RPL28: variants seen among roughly 807,000 people sequenced by gnomAD.
RPL28 encodes ribosomal protein L28, also known as large ribosomal subunit protein eL28.
A neutral mutation model predicts 12.5 loss-of-function variants in RPL28; 4 were observed. The ratio of observed to expected loss-of-function variants is 0.32; its 90% CI spans 0.16 to 0.73. The LOEUF (loss-of-function observed/expected upper bound fraction) is 0.73. RPL28 is among the 30% of genes least tolerant of loss of function. RPL28 has a pLI of 0.66. For synonymous variants in RPL28, 91 were observed against 72.5 expected, an observed-to-expected ratio of 1.26 and a Z score of -1.30; for missense variants, 214 against 197.7, an observed-to-expected ratio of 1.08 and a Z score of -0.49.
rs2089950093 is a variant in RPL28, at chr19:55,387,971, A to G, written c.247A>G (p.Asn83Asp). ...CACCTCCTATGTGCGGACCACCATC[A>G]ACAAGAATGCTCGCGCCACGCTCAG... The part of the protein sequence containing the change: ...PATSYVRTTI[N>D]KNARATLSSI... Residue 83 changes from asparagine to aspartate, a missense_variant, in exon 4 of 5, where the codon AAC (asparagine) becomes GAC (aspartate). By Grantham distance (23) the Asn-to-Asp change is conservative (BLOSUM62 1). Transcript: ENST00000344063. 1.2e-6 allele frequency: 2 copies of G among 1,606,384 alleles called. No individual in the cohort carries two copies. The highest frequency in any genetic ancestry group is 8.5e-7 in the Non-Finnish European group (1 of 1,176,262).
rs1600307834 is a variant in RPL28 at position 55,391,428 on chromosome 19, C to G, written c.*3096C>G. On this transcript the variant is annotated 3_prime_UTR_variant, in exon 5 of 5. Transcript: ENST00000344063. The stretch of plus-strand genomic sequence containing the variant: ...GTCTCTCCAGCTCTTAGTCCAGTAG[C>G]TGCATGGTGAGTGAGCGTAGGGCGC... 3.8e-6 allele frequency: 5 copies of G among 1,317,332 alleles called. No individual in the cohort carries two copies. In the East Asian group the frequency reaches 1.1e-4, roughly 30 times the overall value. The allele number at this position is 1,317,332 out of a possible 1,614,324, so 81.6% of individuals were successfully genotyped here.
chr19:55,388,003 C>T lies in RPL28; in HGVS notation c.279C>T (p.Ile93=). ...ATGCTCGCGCCACGCTCAGCAGCAT[C>T]AGACACATGATCCGCAAGAACAAGT... The part of the protein sequence containing the change: ...NKNARATLSS[I]RHMIRKNKYR... Residue 93 remains isoleucine, a synonymous_variant, in exon 4 of 5, where the codon ATC becomes ATT. Transcript: ENST00000344063. The T allele has an allele frequency of 2.5e-6, 4 of 1,613,254 alleles. No homozygotes were observed. Among genetic ancestry groups the T allele is most frequent in the Non-Finnish European group, 3.4e-6 (4 of 1,179,732 alleles).
downstream of RPL28, among the ~76,000 whole-genome samples, chr19:55,395,146 A>T (rs78633024): frequency 0.058 from 8,797 of 151,332 alleles, 278 homozygotes; most frequent in South Asian, 0.076. Flanking sequence ...TTATTTATTT[A>T]TTTTTTTGAG....
intron 4 of RPL28, among the ~76,000 whole-genome samples, chr19:55,397,343 A>T (rs973162387): frequency 1.3e-5 from 2 of 152,238 alleles, no homozygotes; most frequent in Non-Finnish European, 2.9e-5. Flanking sequence ...TTTCTTAAAT[A>T]TACAAGCATG....
At chr19:55,392,486 G>A (rs1242655353), downstream of RPL28, among the ~76,000 whole-genome samples, 1 of 151,714 alleles carries the variant, frequency 6.6e-6, no homozygotes, top group Non-Finnish European at 1.5e-5. Context: ...TCCTGACTTC[G>A]TCCCCCAAAG....
rs542371434 is a variant in RPL28 at position 55,401,397 on chromosome 19, G to T, written c.325-1546G>T. 2,126 of 1,401,078 alleles carry T rather than the reference G, an allele frequency of 1.5e-3. 16 individuals are homozygous for T. The African/African-American group carries it at 0.023, about 15-fold the overall frequency. The allele number at this position is 1,401,078 out of a possible 1,614,324, so 86.8% of individuals were successfully genotyped here. ...AGACAGAGTTGGAGGGAGGGGACAG[G>T]AGAGGTTGGGGTCACGGTGGAAGGA... is the stretch of plus-strand genomic sequence containing the variant. On this transcript the variant is annotated intron_variant, in intron 4 of 4. Coordinates refer to the RPL28 transcript ENST00000560055.
At position 55,390,614 on chromosome 19, in the gene RPL28, A is replaced by G; in HGVS notation, c.*2282A>G. ...AGTCCTGCTGGCTTTCTCCATCCCT[A>G]TCTGAATCCTCCCTGCTGTGTGGCC... On this transcript the variant is annotated 3_prime_UTR_variant, in exon 5 of 5. Coordinates refer to ENST00000344063, the MANE Select transcript of RPL28 (RefSeq NM_000991.5). 1.0e-6 allele frequency: 1 copy of G among 985,418 alleles called. No individual in the cohort carries two copies. The highest frequency in any genetic ancestry group is 1.7e-5 in the African/African-American group (1 of 57,296). The allele number at this position is 985,418 out of a possible 1,614,324, so 61.0% of individuals were successfully genotyped here.
downstream of RPL28, among the ~76,000 whole-genome samples, chr19:55,393,672 G>A (rs1385763985): frequency 4.4e-5 from 6 of 136,330 alleles, no homozygotes; most frequent in East Asian, 6.4e-4. Flanking sequence ...TTGCTCTGTC[G>A]CCCTGGCTGG....
chr19:55,396,482 C>CG (rs1300722040), downstream of RPL28, among the ~76,000 whole-genome samples: 1 of 12,090 alleles, frequency 8.3e-5, no homozygotes, highest in South Asian at 5.2e-3. Context: ...AGTTCTCCCC[C>CG]CTCCCCTCCC....
chr19:55,391,712 C>T lies in RPL28; in HGVS notation c.*3380C>T. 6.6e-7 allele frequency: 1 copy of T among 1,524,052 alleles called. No homozygotes were observed. Among genetic ancestry groups the T allele is most frequent in the Non-Finnish European group, 8.9e-7 (1 of 1,125,488 alleles). The allele number at this position is 1,524,052 out of a possible 1,614,324, so 94.4% of individuals were successfully genotyped here. A position where few individuals can be genotyped will look rare whatever the true frequency, so the allele number is the denominator to read the frequency against. Reference sequence around the variant, plus strand: ...TGATGAGAAGATTAAATGTGCAAAACCTGCTTGACTGTGCCCACAAATCCT... The same window carrying T: ...TGATGAGAAGATTAAATGTGCAAAATCTGCTTGACTGTGCCCACAAATCCT... On this transcript the variant is annotated 3_prime_UTR_variant, in exon 5 of 5. Coordinates refer to ENST00000344063, the MANE Select transcript of RPL28 (RefSeq NM_000991.5).
chr19:55,386,992 A>C (rs2089937029), intron 3 of RPL28: 4 of 1,442,714 alleles, frequency 2.8e-6, no homozygotes, highest in Middle Eastern at 2.5e-4. Flanking sequence ...TCTCAAAGCA[A>C]GTCAGGGTGG....
chr19:55,391,240 TCAAA>T lies in RPL28; in HGVS notation c.*2910_*2913del. ...GCTAATGGTTCACGGAAGCCAGGAATCAAACTGCCTGGGTTCCAGTCCCAGCTCT... is the reference window on the plus strand; with the variant it reads ...GCTAATGGTTCACGGAAGCCAGGAATCTGCCTGGGTTCCAGTCCCAGCTCT... On this transcript the variant is annotated 3_prime_UTR_variant, in exon 5 of 5. Transcript: ENST00000344063. 1 of 287,974 alleles carries T rather than the reference TCAAA, an allele frequency of 3.5e-6. No homozygotes were observed. The allele number at this position is 287,974 out of a possible 1,614,324, so 17.8% of individuals were successfully genotyped here. A position where few individuals can be genotyped will look rare whatever the true frequency, so the allele number is the denominator to read the frequency against.
Position 55,390,071 on chromosome 19 carries a change from T to C in RPL28, c.*1739T>C. On this transcript the variant is annotated 3_prime_UTR_variant, in exon 5 of 5. Transcript: ENST00000344063. ...CAGCACTGATTTGCAGCCCACAAGCTGGCAGGTTTATCTGTCTCATGTTTG... is the reference window on the plus strand; with the variant it reads ...CAGCACTGATTTGCAGCCCACAAGCCGGCAGGTTTATCTGTCTCATGTTTG... 1 of 985,546 alleles carries C rather than the reference T, an allele frequency of 1.0e-6. No individual in the cohort carries two copies. Among genetic ancestry groups the C allele is most frequent in the Non-Finnish European group, 1.2e-6 (1 of 829,982 alleles). 61.1% of individuals were successfully genotyped at this position (985,546 alleles called of 1,614,324 possible).
At chr19:55,387,189 T>C (rs2089939639) in intron 3 of RPL28, 1 of 1,374,186 alleles carries the variant, frequency 7.3e-7, no homozygotes, top group Admixed American at 2.0e-5. Context: ...TGCAGGCCTT[T>C]TTGGGGATTC....
At position 55,391,442 on chromosome 19, in the gene RPL28, A is replaced by C; in HGVS notation, c.*3110A>C. The C allele has an allele frequency of 7.6e-7, 1 of 1,324,000 alleles. No individual in the cohort carries two copies. The highest frequency in any genetic ancestry group is 9.7e-7 in the Non-Finnish European group (1 of 1,030,328). 82.0% of individuals were successfully genotyped at this position (1,324,000 alleles called of 1,614,324 possible). A position where few individuals can be genotyped will look rare whatever the true frequency, so the allele number is the denominator to read the frequency against. On this transcript the variant is annotated 3_prime_UTR_variant, in exon 5 of 5. Coordinates refer to ENST00000344063, the MANE Select transcript of RPL28 (RefSeq NM_000991.5). ...TAGTCCAGTAGCTGCATGGTGAGTG[A>C]GCGTAGGGCGCACCCTGGAAGGCTG...
intron 4 of RPL28, among the ~76,000 whole-genome samples, chr19:55,402,177 C>A (rs1472657203): frequency 1.3e-5 from 2 of 152,178 alleles, no homozygotes; most frequent in Non-Finnish European, 2.9e-5. Context: ...ACGAGTGAGG[C>A]CTGCAGCCTG....
In RPL28 at chr19:55,389,697, C is replaced by G. The variant is rs1469972035; in HGVS notation, c.*1365C>G. On this transcript the variant is annotated 3_prime_UTR_variant, in exon 5 of 5. Transcript: ENST00000344063. The stretch of plus-strand genomic sequence containing the variant: ...GAAGGAGAGCAGATCTGACCACTTG[C>G]CAGCCCCTGTCTGCTGTGAATTACC... The G allele has an allele frequency of 1.0e-6, 1 of 985,374 alleles. No individual in the cohort carries two copies. The highest frequency in any genetic ancestry group is 1.2e-6 in the Non-Finnish European group (1 of 830,024). The allele number at this position is 985,374 out of a possible 1,614,324, so 61.0% of individuals were successfully genotyped here. A position where few individuals can be genotyped will look rare whatever the true frequency, so the allele number is the denominator to read the frequency against.
rs1228876687 is a variant in RPL28, at chr19:55,390,329, C to T, written c.*1997C>T. On this transcript the variant is annotated 3_prime_UTR_variant, in exon 5 of 5. Coordinates refer to ENST00000344063, the MANE Select transcript of RPL28 (RefSeq NM_000991.5). Reference sequence around the variant, plus strand: ...AAGCGATTCTCCTGCCTCAGCCTCCCGAGTAGCTGGGATTACAGGTGGGTG... The same window carrying T: ...AAGCGATTCTCCTGCCTCAGCCTCCTGAGTAGCTGGGATTACAGGTGGGTG... The T allele has an allele frequency of 4.2e-6, 3 of 721,496 alleles. No homozygotes were observed. The highest frequency in any genetic ancestry group is 5.1e-6 in the Non-Finnish European group (3 of 589,426). The allele number at this position is 721,496 out of a possible 1,614,324, so 44.7% of individuals were successfully genotyped here.
rs151118850 is a variant in RPL28, at chr19:55,389,822, G to A, written c.*1490G>A. The A allele has an allele frequency of 4.9e-3, 4,791 of 984,634 alleles. 10 individuals carry two copies. The highest frequency in any genetic ancestry group is 5.4e-3 in the Non-Finnish European group (4,455 of 829,458). 61.0% of individuals were successfully genotyped at this position (984,634 alleles called of 1,614,324 possible). ...ACTTGGTACCTGCTCAGGACCCCCC[G>A]CACTGTCCCAATCCCACTCAGGCCC... On this transcript the variant is annotated 3_prime_UTR_variant, in exon 5 of 5. Transcript: ENST00000344063.
Sources: gnomAD v4.1 joint callset for allele counts (sites outside exome capture counted in the v4.1 genomes callset) on GRCh38, gnomAD v4.1.1 for gene constraint, MANE v1.5 for transcripts, NCBI Gene and HGNC (gene_info 2026-07-23, HGNC 2026-07-21) for gene names.